The following MAPKBP1 variants were observed in gnomAD, a reference collection of about 807,000 sequenced individuals.
The protein encoded by MAPKBP1 is mitogen-activated protein kinase binding protein 1.
In MAPKBP1, 71 loss-of-function variants were observed where a neutral mutation model predicts 170.5. That is an observed-to-expected ratio of 0.42 (90% CI 0.34 to 0.51). MAPKBP1 has a LOEUF of 0.51. Among genes scored for constraint, MAPKBP1 ranks in the 20% least tolerant of loss-of-function variants. The pLI, the probability that MAPKBP1 is intolerant of heterozygous loss-of-function variation, is 0.06. For synonymous variants in MAPKBP1, 719 were observed against 757.9 expected (o/e 0.95, Z 0.84); for missense variants, 1,598 against 1,933.0 (o/e 0.83, Z 3.25).
chr15:41,827,203 A>T lies in MAPKBP1; in HGVS notation c.*1767A>T, dbSNP rs1354999567. ...CAGCTACTCGGGAGGTTTAGGCAGG[A>T]GAATCGCTTGAACCCTGGAGGTGGA... On this transcript the variant is annotated 3_prime_UTR_variant, in exon 31 of 31. Coordinates refer to ENST00000457542, the MANE Select transcript of MAPKBP1 (RefSeq NM_014994.3). 1 of 83,454 alleles carries T rather than the reference A, an allele frequency of 1.2e-5. No individual in the cohort carries two copies. The allele number at this position is 83,454 out of a possible 1,614,324, so 5.2% of individuals were successfully genotyped here.
chr15:41,775,729 G>T (rs1311902438), intron 2 of MAPKBP1, among the ~76,000 whole-genome samples: 1 of 152,238 alleles, frequency 6.6e-6, no homozygotes, highest in Non-Finnish European at 1.5e-5. Context: ...CACATACCTT[G>T]TGAAGGGCTA....
At position 41,817,405 on chromosome 15, in the gene MAPKBP1, C is replaced by T. The variant is rs376719149; in HGVS notation, c.1729C>T (p.Arg577Cys). The change falls in exon 15 of 31, where the codon CGC becomes TGC. Residue 577 changes from arginine to cysteine, a missense_variant. Around this residue, in one of 6 missense-constraint regions of MAPKBP1, gnomAD observed 430 missense variants for 617.2 expected, o/e 0.70. Transcript: ENST00000457542. The surrounding 1 kb of genome is among the most constrained non-coding windows in gnomAD (Gnocchi z 4.2). Reference sequence around the variant, plus strand: ...CTTCATAGCCAGTGATGGGCAAGTCCGCATGATCAGCTGTGGAGCAGACAA... The same window carrying T: ...CTTCATAGCCAGTGATGGGCAAGTCTGCATGATCAGCTGTGGAGCAGACAA... ...VKFAASDGQV[R>C]MISCGADKSI... 1.0e-4 allele frequency: 165 copies of T among 1,613,976 alleles called. No homozygotes were observed. The highest frequency in any genetic ancestry group is 3.3e-4 in the African/African-American group (25 of 74,988).
intron 2 of MAPKBP1, among the ~76,000 whole-genome samples, chr15:41,789,740 C>A (rs193111712): frequency 3.3e-5 from 5 of 152,148 alleles, no homozygotes; most frequent in Admixed American, 1.3e-4. Flanking sequence ...ATTTTTTAGA[C>A]CCACTTTAGC....
At chr15:41,783,078 G>A (rs1306413391) in intron 2 of MAPKBP1, among the ~76,000 whole-genome samples, 1 of 152,224 alleles carries the variant, frequency 6.6e-6, no homozygotes, top group Non-Finnish European at 1.5e-5. Flanking sequence ...GAAGCCACAA[G>A]CGGTTGCTGC....
chr15:41,810,796 C>T lies in MAPKBP1; in HGVS notation c.207-87C>T, dbSNP rs568046717. The T allele has an allele frequency of 1.1e-4, 109 of 1,027,496 alleles. No individual in the cohort carries two copies. In the African/African-American group the frequency reaches 1.2e-3, roughly 11 times the overall value. The allele number at this position is 1,027,496 out of a possible 1,614,324, so 63.6% of individuals were successfully genotyped here. On this transcript the variant is annotated intron_variant, in intron 3 of 30. Coordinates refer to ENST00000457542, the MANE Select transcript of MAPKBP1 (RefSeq NM_014994.3). Reference sequence around the variant, plus strand: ...GCTCTTTCTACCCAGCTCCCTCTGCCGGGTGACTGGAAGTCCTGGGTGGCC... The same window carrying T: ...GCTCTTTCTACCCAGCTCCCTCTGCTGGGTGACTGGAAGTCCTGGGTGGCC...
chr15:41,808,627 C>G (rs1010927720), intron 3 of MAPKBP1, among the ~76,000 whole-genome samples: 6 of 151,690 alleles, frequency 4.0e-5, no homozygotes, highest in Admixed American at 1.3e-4. Context: ...AGGTACCCAC[C>G]ACCACACCTG....
In MAPKBP1 at chr15:41,817,732, T is replaced by G; in HGVS notation, c.1901T>G (p.Ile634Ser). Residue 634 changes from isoleucine to serine, a missense_variant, in exon 16 of 31, where the codon ATT becomes AGT. Ile to Ser is a moderately radical substitution (Grantham distance 142). This residue lies in a region of MAPKBP1 where 430 missense variants were observed against 617.2 expected (regional missense o/e 0.70). Transcript: ENST00000457542. The surrounding 1 kb of genome is among the most constrained non-coding windows in gnomAD (Gnocchi z 4.2). Reference sequence around the variant, plus strand: ...GCTATCGGCTGCCAGGACCGAAATATTCGGTGGGCGTCCCCTCCTCAGACT... The same window carrying G: ...GCTATCGGCTGCCAGGACCGAAATAGTCGGTGGGCGTCCCCTCCTCAGACT... Reference protein sequence around the residue: ...YTAIGCQDRNIRIFNISSGKQ... With the variant: ...YTAIGCQDRNSRIFNISSGKQ... 1 of 1,612,900 alleles carries G rather than the reference T, an allele frequency of 6.2e-7. No homozygotes were observed. Among genetic ancestry groups the G allele is most frequent in the Non-Finnish European group, 8.5e-7 (1 of 1,179,418 alleles).
Position 41,813,069 on chromosome 15 carries a change from C to A in MAPKBP1, c.787C>A (p.Arg263=), listed in dbSNP as rs1198794299. Residue 263 remains arginine (R), a synonymous_variant, in exon 8 of 31, where the codon CGA becomes AGA. Transcript: ENST00000457542. ...SSGLLCEFSD[R]RLLDKWVELR... ...AGGGCTGCTGTGCGAGTTCAGTGAT[C>A]GAAGGCTTTTGGACAAGTGGGTGGA... is the stretch of plus-strand genomic sequence containing the variant. 1.2e-6 allele frequency: 2 copies of A among 1,610,500 alleles called. No homozygotes were observed. Among genetic ancestry groups the A allele is most frequent in the Non-Finnish European group, 1.7e-6 (2 of 1,178,130 alleles).
chr15:41,795,335 C>G (rs1316876494), intron 2 of MAPKBP1, among the ~76,000 whole-genome samples: 4 of 151,912 alleles, frequency 2.6e-5, no homozygotes, highest in African/African-American at 9.7e-5. Flanking sequence ...CTTTTTAGTC[C>G]AAGGAATGGC....
chr15:41,792,552 T>G (rs1044941611), intron 2 of MAPKBP1, among the ~76,000 whole-genome samples: 1 of 152,176 alleles, frequency 6.6e-6, no homozygotes, highest in Non-Finnish European at 1.5e-5. Flanking sequence ...GAGAACCAAG[T>G]GGGTCCTCTC....
At chr15:41,786,780 ATAT>A (rs1567135597) in intron 2 of MAPKBP1, among the ~76,000 whole-genome samples, 19 of 65,678 alleles carry the variant, frequency 2.9e-4, no homozygotes, top group African/African-American at 3.8e-4. Flanking sequence ...AAAAAAAAAT[ATAT>A]ATATATATAT....
chr15:41,801,158 A>G (rs900345686), intron 3 of MAPKBP1, among the ~76,000 whole-genome samples: 9 of 152,206 alleles, frequency 5.9e-5, no homozygotes, highest in African/African-American at 1.9e-4. Flanking sequence ...GTTGATGGAC[A>G]TTTGGGTTGT....
intron 2 of MAPKBP1, among the ~76,000 whole-genome samples, chr15:41,785,797 T>TA (rs2064276630): frequency 6.6e-6 from 1 of 152,228 alleles, no homozygotes; most frequent in Admixed American, 6.5e-5. Flanking sequence ...GGTGAAAACA[T>TA]ACATTAATCC....
At chr15:41,809,782 A>G (rs1011315703) in intron 3 of MAPKBP1, among the ~76,000 whole-genome samples, 1 of 152,218 alleles carries the variant, frequency 6.6e-6, no homozygotes, top group Non-Finnish European at 1.5e-5. Context: ...CTGGAAAGGC[A>G]GGACCTGATT....
chr15:41,816,143 A>G (rs2064887254), intron 12 of MAPKBP1: 1 of 344,188 alleles, frequency 2.9e-6, no homozygotes, highest in South Asian at 4.8e-5. Flanking sequence ...TAACTGATCA[A>G]TACTCTTCAA....
rs754720039 is a variant in MAPKBP1, at chr15:41,821,659, G to A, written c.2794G>A (p.Glu932Lys). 11 of 1,614,020 alleles carry A rather than the reference G, an allele frequency of 6.8e-6. No homozygotes were observed. In the Admixed American group the frequency reaches 1.2e-4, roughly 17 times the overall value. The change falls in exon 24 of 31, where the codon GAA (glutamate) becomes AAA (lysine). Residue 932 changes from glutamate (E) to lysine (K), a missense_variant. Around this residue, in one of 6 missense-constraint regions of MAPKBP1, gnomAD observed 942 missense variants for 953.2 expected, o/e 0.99. Transcript: ENST00000457542. ...TATTATCCGATTATTGTCACAAGAG[G>A]AAGGGGTCTTTGCCCAAGATCTGGA... is the stretch of plus-strand genomic sequence containing the variant. ...PHIIRLLSQE[E>K]GVFAQDLEPA...
Position 41,818,395 on chromosome 15 carries a change from T to G in MAPKBP1, c.2092+90T>G. On this transcript the variant is annotated intron_variant, in intron 18 of 30. Coordinates refer to ENST00000457542, the MANE Select transcript of MAPKBP1 (RefSeq NM_014994.3). This position sits in a 1 kb window ranked among gnomAD's most constrained non-coding sequence, Gnocchi z 5.2. ...CTGGAACTTCACTCTTCTATTAGTT[T>G]CTTGGGACCCGCAGAGCTACCTATC... 3 of 1,405,656 alleles carry G rather than the reference T, an allele frequency of 2.1e-6. No individual in the cohort carries two copies. The highest frequency in any genetic ancestry group is 2.0e-6 in the Non-Finnish European group (2 of 998,058). 87.1% of individuals were successfully genotyped at this position (1,405,656 alleles called of 1,614,324 possible).
rs146864744 is a variant in MAPKBP1 at position 41,823,727 on chromosome 15, C to T, written c.3879C>T (p.Asp1293=). 24 of 1,614,086 alleles carry T rather than the reference C, an allele frequency of 1.5e-5. No homozygotes were observed. The highest frequency in any genetic ancestry group is 2.0e-5 in the Non-Finnish European group (24 of 1,180,044). ...CCAGCCGGGCTCACCTGGTCCTGGACATCCCCAAACCACTGCCTGACCGTC... is the reference window on the plus strand; with the variant it reads ...CCAGCCGGGCTCACCTGGTCCTGGATATCCCCAAACCACTGCCTGACCGTC... ...ALPSRAHLVL[D]IPKPLPDRPT... Residue 1293 remains aspartate (D), a synonymous_variant, in exon 29 of 31, where the codon GAC becomes GAT. Coordinates refer to ENST00000457542, the MANE Select transcript of MAPKBP1 (RefSeq NM_014994.3).
At chr15:41,810,795 C>A in intron 3 of MAPKBP1, 88 bp from the exon 4 acceptor site, 1 of 1,017,390 alleles carries the variant, frequency 9.8e-7, no homozygotes, top group Non-Finnish European at 1.5e-6. Context: ...GCTCCCTCTG[C>A]CGGGTGACTG....
Sources: gnomAD v4.1 joint callset for allele counts (sites outside exome capture counted in the v4.1 genomes callset) on GRCh38, gnomAD v4.1.1 for gene constraint, gnomAD v4.1.1 regional missense constraint, Gnocchi (gnomAD v3.1) non-coding constraint, MANE v1.5 for transcripts, NCBI Gene and HGNC (gene_info 2026-07-23, HGNC 2026-07-21) for gene names.